RBFOX2: variants seen among roughly 807,000 people sequenced by gnomAD.
RBFOX2 encodes RNA binding fox-1 homolog 2.
In RBFOX2, 10 loss-of-function variants were observed where a neutral mutation model predicts 49.1. The ratio of observed to expected loss-of-function variants is 0.20; its 90% CI spans 0.13 to 0.35. The LOEUF (loss-of-function observed/expected upper bound fraction) is 0.35, where lower values mean the gene tolerates loss of function less well. Ranked by LOEUF, RBFOX2 falls within the 10% of genes least tolerant of loss-of-function variation. RBFOX2 has a pLI of 1.00. For missense variants in RBFOX2, 323 were observed against 486.9 expected, an observed-to-expected ratio of 0.66 and a Z score of 3.17; for synonymous variants, 183 against 187.4, an observed-to-expected ratio of 0.98 and a Z score of 0.19.
exon 1 of RBFOX2, chr22:36,028,491 C>A (rs887635171): frequency 1.2e-5 from 13 of 1,100,828 alleles, no homozygotes; most frequent in Admixed American, 5.2e-5. Context: ...CCCTGGGCCT[C>A]GGCCCCGACT....
exon 12 of RBFOX2, chr22:35,742,426 ATT>A (rs1417167836): frequency 6.5e-6 from 1 of 152,694 alleles, no homozygotes; most frequent in African/African-American, 2.4e-5. Flanking sequence ...TAGGTCAGTC[ATT>A]TTAATTCAGG....
chr22:35,939,346 C>A, upstream of RBFOX2: 1 of 400,930 alleles, frequency 2.5e-6, no homozygotes, highest in Non-Finnish European at 5.0e-6. Flanking sequence ...CAAGTACCAA[C>A]CCTGCTGAGA....
chr22:35,811,658 C>G (rs1450238591), intron 1 of RBFOX2, among the ~76,000 whole-genome samples: 1 of 152,036 alleles, frequency 6.6e-6, no homozygotes, highest in Admixed American at 6.6e-5. Context: ...AAATAAATTG[C>G]TTTACATAAA....
intron 9 of RBFOX2, 40 bp from the exon 11 acceptor site, chr22:35,756,184 A>G (rs747309503): frequency 3.4e-6 from 5 of 1,482,136 alleles, no homozygotes; most frequent in African/African-American, 1.4e-5. Context: ...AAAAAAAACA[A>G]AAGAACAGAA....
chr22:35,963,290 G>T (rs1338072005), upstream of RBFOX2, among the ~76,000 whole-genome samples: 1 of 152,026 alleles, frequency 6.6e-6, no homozygotes, highest in Non-Finnish European at 1.5e-5. Context: ...TGCAGTGCGG[G>T]GTGGGGGACA....
intron 1 of RBFOX2, among the ~76,000 whole-genome samples, chr22:36,025,338 G>A (rs2059392702): frequency 6.6e-6 from 1 of 152,072 alleles, no homozygotes; most frequent in South Asian, 2.1e-4. Flanking sequence ...TTCACTCATA[G>A]GCCATCTATC....
intron 1 of RBFOX2, among the ~76,000 whole-genome samples, chr22:35,989,892 GA>G (rs1356517174): frequency 6.6e-6 from 1 of 152,124 alleles, no homozygotes; most frequent in African/African-American, 2.4e-5. Context: ...CTTAAAAACA[GA>G]AATACTGGCC....
upstream of RBFOX2, among the ~76,000 whole-genome samples, chr22:35,939,700 T>C (rs1210553021): frequency 2.0e-5 from 3 of 152,184 alleles, no homozygotes; most frequent in South Asian, 4.1e-4. Flanking sequence ...GCAAGGATGA[T>C]AGCTAATAAA....
intron 1 of RBFOX2, among the ~76,000 whole-genome samples, chr22:35,826,816 A>C (rs1955850077): frequency 6.6e-6 from 1 of 152,362 alleles, no homozygotes. Flanking sequence ...ATTAACAACA[A>C]TACTAATAGT....
chr22:35,846,329 G>A (rs1325629042), intron 1 of RBFOX2, among the ~76,000 whole-genome samples: 1 of 88,788 alleles, frequency 1.1e-5, no homozygotes, highest in Non-Finnish European at 2.2e-5. Flanking sequence ...AATTTATATA[G>A]TTGTGTGTGT....
chr22:35,778,723 G>C (rs989982833), intron 3 of RBFOX2, among the ~76,000 whole-genome samples: 4 of 151,420 alleles, frequency 2.6e-5, no homozygotes, highest in African/African-American at 9.7e-5. Context: ...TGTAACCTCT[G>C]CCTCCTGGAT....
At chr22:35,877,065 T>C (rs1274699609) in intron 1 of RBFOX2, among the ~76,000 whole-genome samples, 1 of 152,154 alleles carries the variant, frequency 6.6e-6, no homozygotes, top group Non-Finnish European at 1.5e-5. Flanking sequence ...CTGGTGCAAC[T>C]TTTTAAAAAA....
chr22:35,874,916 T>C (rs1232462851), intron 1 of RBFOX2, among the ~76,000 whole-genome samples: 1 of 152,120 alleles, frequency 6.6e-6, no homozygotes, highest in Non-Finnish European at 1.5e-5. Flanking sequence ...AAGGAAATAA[T>C]TAATGTTAAG....
chr22:35,936,485 G>GA (rs1244282555), intron 1 of RBFOX2, among the ~76,000 whole-genome samples: 3 of 152,096 alleles, frequency 2.0e-5, no homozygotes, highest in Admixed American at 6.5e-5. Context: ...TACTCATTTG[G>GA]ATTCTGTATT....
At chr22:35,864,014 T>G (rs143435853) in intron 1 of RBFOX2, among the ~76,000 whole-genome samples, 4 of 152,338 alleles carry the variant, frequency 2.6e-5, no homozygotes, top group African/African-American at 9.6e-5. Context: ...GCTTCTCAGA[T>G]CAGTGTCAGC....
intron 1 of RBFOX2, among the ~76,000 whole-genome samples, chr22:35,906,839 A>T (rs1333270829): frequency 6.6e-6 from 1 of 152,080 alleles, no homozygotes; most frequent in African/African-American, 2.4e-5. Context: ...ACAAACAAAA[A>T]ACCAAAAAAC....
chr22:35,987,061 T>C (rs2057756531), intron 1 of RBFOX2, among the ~76,000 whole-genome samples: 1 of 152,222 alleles, frequency 6.6e-6, no homozygotes, highest in Non-Finnish European at 1.5e-5. Context: ...TTTGGTGTTT[T>C]ATCTTCCATT....
intron 1 of RBFOX2, among the ~76,000 whole-genome samples, chr22:35,810,712 T>A (rs1234817161): frequency 6.6e-6 from 1 of 152,234 alleles, no homozygotes; most frequent in Non-Finnish European, 1.5e-5. Context: ...TATTATGATA[T>A]AACTGTCATA....
At chr22:35,744,561 G>A (rs200918299) in intron 11 of RBFOX2, among the ~76,000 whole-genome samples, 2 of 152,206 alleles carry the variant, frequency 1.3e-5, no homozygotes, top group Non-Finnish European at 2.9e-5. Flanking sequence ...CAAAGAGTTT[G>A]ATTTTTAAAA....
Sources: allele counts gnomAD v4.1 joint callset (sites outside exome capture counted in the v4.1 genomes callset), GRCh38; gene constraint gnomAD v4.1.1; transcripts MANE v1.5; gene names NCBI Gene and HGNC (gene_info 2026-07-23, HGNC 2026-07-21).